The following PKD1 variants were observed in gnomAD, a reference collection of about 807,000 sequenced individuals.
PKD1 encodes polycystin-1.
In PKD1, 81 loss-of-function variants were observed where a neutral mutation model predicts 361.7. The ratio of observed to expected loss-of-function variants is 0.22; its 90% CI spans 0.19 to 0.27. The LOEUF is 0.27. PKD1 is among the 10% of genes least tolerant of loss of function. PKD1 has a pLI of 1.00. For synonymous variants in PKD1, 3,615 were observed against 2,818.3 expected, an observed-to-expected ratio of 1.28 and a Z score of -8.95; for missense variants, 6,399 against 6,118.3, an observed-to-expected ratio of 1.05 and a Z score of -1.53.
At chr16:2,107,217 T>C in intron 16 of PKD1, 1 of 527,432 alleles carries the variant, frequency 1.9e-6, no homozygotes, top group South Asian at 2.0e-5. Context: ...CAATGCTCAC[T>C]GAGGGCCCCT....
intron 14 of PKD1, 27 bp downstream of exon 14, chr16:2,112,313 T>C (rs1451853174): frequency 1.3e-6 from 2 of 1,576,292 alleles, no homozygotes; most frequent in East Asian, 2.2e-5. Flanking sequence ...TGAAAGGCAG[T>C]GGCCCCCTCA....
In PKD1 at chr16:2,113,803, C is replaced by T. The variant is rs1420758366; in HGVS notation, c.2853+367G>A. 11 of 406,342 alleles carry T rather than the reference C, an allele frequency of 2.7e-5. No individual in the cohort carries two copies. The Middle Eastern group carries it at 2.2e-3, about 83-fold the overall frequency. 25.2% of individuals were successfully genotyped at this position (406,342 alleles called of 1,614,324 possible). ...CAGCATGGTGGCACCGCGGGCAGCC[C>T]GCAGTTTCCCATCAGGGGTTCAGAC... On this transcript the variant is annotated intron_variant, in intron 11 of 45. Transcript: ENST00000262304.
At position 2,097,790 on chromosome 16, in the gene PKD1, G is replaced by A. The variant is rs1567165560; in HGVS notation, c.10168-10C>T. On this transcript the variant is annotated splice_polypyrimidine_tract_variant and intron_variant, in intron 31 of 45. Transcript: ENST00000262304. Reference sequence around the variant, plus strand: ...GTCCAACAAAGGCCTGCTGAGAGGTGCACAGTGTCTTGAGTCCAAGCTGCG... The same window carrying A: ...GTCCAACAAAGGCCTGCTGAGAGGTACACAGTGTCTTGAGTCCAAGCTGCG... The A allele has an allele frequency of 2.5e-6, 4 of 1,611,344 alleles. No homozygotes were observed. Among genetic ancestry groups the A allele is most frequent in the Non-Finnish European group, 3.4e-6 (4 of 1,179,892 alleles).
intron 14 of PKD1, 31 bp downstream of exon 14, chr16:2,112,309 G>A (rs1355104503): frequency 3.2e-6 from 5 of 1,570,820 alleles, no homozygotes; most frequent in Middle Eastern, 2.3e-4. Context: ...AGCCTGAAAG[G>A]CAGTGGCCCC....
chr16:2,107,100 G>A, intron 16 of PKD1, 152 bp from the exon 17 acceptor site: 2 of 741,230 alleles, frequency 2.7e-6, no homozygotes, highest in Non-Finnish European at 4.7e-6. Flanking sequence ...TACTCATCCG[G>A]TTTGCCACCT....
Position 2,108,009 on chromosome 16 carries a change from C to T in PKD1, c.6939G>A (p.Leu2313=), listed in dbSNP as rs2092402951. The T allele has an allele frequency of 1.9e-6, 3 of 1,548,910 alleles. No homozygotes were observed. Among genetic ancestry groups the T allele is most frequent in the African/African-American group, 1.4e-5 (1 of 73,120 alleles). Residue 2313 remains leucine (L), a synonymous_variant, in exon 16 of 46, where the codon CTG becomes CTA. Transcript: ENST00000262304. The part of the protein sequence containing the change: ...STQREAGGCA[L]NFGPRGSSTV... ...TGCTGCTCCCGCGGGGCCCAAAGTTCAGCGCACACCCGCCAGCCTCCCTCT... is the reference window on the plus strand; with the variant it reads ...TGCTGCTCCCGCGGGGCCCAAAGTTTAGCGCACACCCGCCAGCCTCCCTCT...
In PKD1 at chr16:2,097,648, A is replaced by G. The variant is rs1596502411; in HGVS notation, c.10220+80T>C. On this transcript the variant is annotated intron_variant, in intron 32 of 45. Transcript: ENST00000262304. ...CACATGGAGCCACAGACACCCAGCA[A>G]GGACACGCAGCCCGCACACCCCCGG... is the stretch of plus-strand genomic sequence containing the variant. 4.3e-6 allele frequency: 7 copies of G among 1,610,520 alleles called. No homozygotes were observed. The East Asian group carries it at 1.3e-4, about 31-fold the overall frequency.
rs1055933465 is a variant in PKD1, at chr16:2,113,622, C to G, written c.2854-330G>C. Among the ~76,000 whole-genome samples, 9 of 152,328 alleles carry G rather than the reference C, an allele frequency of 5.9e-5. No individual in the cohort carries two copies. In the East Asian group the frequency reaches 1.2e-3, roughly 20 times the overall value. Reference sequence around the variant, plus strand: ...CGGCGCTCTTGCCCCAGCTCCTCACCCAGAGAGCTCGGAGCAGTGAGGGGA... The same window carrying G: ...CGGCGCTCTTGCCCCAGCTCCTCACGCAGAGAGCTCGGAGCAGTGAGGGGA... On this transcript the variant is annotated intron_variant, in intron 11 of 45. Coordinates refer to ENST00000262304, the MANE Select transcript of PKD1 (RefSeq NM_001009944.3).
At position 2,109,844 on chromosome 16, in the gene PKD1, C is replaced by G; in HGVS notation, c.5323G>C (p.Gly1775Arg). The G allele has an allele frequency of 6.2e-7, 1 of 1,610,678 alleles. No homozygotes were observed. The highest frequency in any genetic ancestry group is 8.5e-7 in the Non-Finnish European group (1 of 1,179,840). ...PFTTHSFPTP[G>R]LHLVTMTAGN... ...GCCGTCATGGTGACCAAGTGCAGGC[C>G]GGGTGTGGGGAAGCTATGGGTGGTA... is the stretch of plus-strand genomic sequence containing the variant. Residue 1775 changes from glycine to arginine, a missense_variant, in exon 15 of 46, where the codon GGC (glycine) becomes CGC (arginine). Transcript: ENST00000262304.
chr16:2,133,939 C>T (rs1474198076), intron 1 of PKD1, among the ~76,000 whole-genome samples: 2 of 151,236 alleles, frequency 1.3e-5, no homozygotes, highest in East Asian at 3.9e-4. Flanking sequence ...CTCCGCTCAG[C>T]AGCCACCAGC....
chr16:2,133,558 G>C (rs1382348683), intron 1 of PKD1, among the ~76,000 whole-genome samples: 1 of 151,692 alleles, frequency 6.6e-6, no homozygotes, highest in Non-Finnish European at 1.5e-5. Flanking sequence ...GGAGTTTGCA[G>C]GGTAGACAGC....
In PKD1 at chr16:2,090,149, G is replaced by A. The variant is rs753560454; in HGVS notation, c.12490C>T (p.Arg4164Cys). The change falls in exon 46 of 46, where the codon CGC (arginine) becomes TGC (cysteine). Residue 4164 changes from arginine to cysteine, a missense_variant. Arg to Cys is a radical substitution (Grantham distance 180, BLOSUM62 -3). Coordinates refer to ENST00000262304, the MANE Select transcript of PKD1 (RefSeq NM_001009944.3). ...RFEGMEPLPS[R>C]SSRGSKVSPD... The stretch of plus-strand genomic sequence containing the variant: ...GATACCTTGGAGCCCCTGGAGGAGC[G>A]AGAGGGCAGCGGCTCCATCCCTTCA... 3.8e-6 allele frequency: 6 copies of A among 1,595,620 alleles called. No homozygotes were observed. Among genetic ancestry groups the A allele is most frequent in the South Asian group, 3.3e-5 (3 of 89,686 alleles).
In PKD1 at chr16:2,105,315, A is replaced by G. The variant is rs746089639; in HGVS notation, c.8016+7T>C. On this transcript the variant is annotated splice_region_variant and intron_variant, in intron 21 of 45. Transcript: ENST00000262304. ...CGGGGCAGGGTGAGCAGGTGGGGCC[A>G]TCCTACCATGCACTGGGCCAGCGCA... The G allele has an allele frequency of 1.2e-5, 19 of 1,594,154 alleles. No homozygotes were observed. In the African/African-American group the frequency reaches 2.0e-4, roughly 17 times the overall value.
chr16:2,092,879 T>C, intron 38 of PKD1, 75 bp downstream of exon 38: 1 of 1,553,966 alleles, frequency 6.4e-7, no homozygotes, highest in South Asian at 1.1e-5. Context: ...CATGTCCACA[T>C]GTCCCCTAGG....
chr16:2,104,699 C>G (rs2092266417), intron 21 of PKD1, 57 bp from the exon 22 acceptor site: 2 of 989,946 alleles, frequency 2.0e-6, no homozygotes, highest in African/African-American at 1.7e-5. Context: ...TGCACACGCC[C>G]TCCTCTCTAC....
At position 2,118,754 on chromosome 16, in the gene PKD1, C is replaced by T. The variant is rs1007978860; in HGVS notation, c.451G>A (p.Glu151Lys). The T allele has an allele frequency of 4.2e-6, 6 of 1,433,044 alleles. No individual in the cohort carries two copies. The highest frequency in any genetic ancestry group is 2.8e-5 in the African/African-American group (2 of 71,806). The allele number at this position is 1,433,044 out of a possible 1,614,324, so 88.8% of individuals were successfully genotyped here. A position where few individuals can be genotyped will look rare whatever the true frequency, so the allele number is the denominator to read the frequency against. Residue 151 changes from glutamate to lysine, a missense_variant, in exon 4 of 46, where the codon GAG becomes AAG. Physicochemically the swap from Glu to Lys is moderately conservative, Grantham distance 56. Transcript: ENST00000262304. This position sits in a 1 kb window ranked among gnomAD's most constrained non-coding sequence, Gnocchi z 6.0. ...EEQQVRVVQP[E>K]AATCAGPGSL... ...CCAGGCCCAGCACACGTGGCTGCCT[C>T]GGGCTGCACCACCCGCACCTGCTGC...
Position 2,089,459 on chromosome 16 carries a change from G to C in PKD1, c.*268C>G. ...CACAGCCCGCTGTACCTGAGGACTC[G>C]GGGAAATAAATTAGCATCTCAGAGG... On this transcript the variant is annotated 3_prime_UTR_variant, in exon 46 of 46. Transcript: ENST00000262304. 1 of 539,480 alleles carries C rather than the reference G, an allele frequency of 1.9e-6. No individual in the cohort carries two copies. The highest frequency in any genetic ancestry group is 3.1e-5 in the East Asian group (1 of 31,986). The allele number at this position is 539,480 out of a possible 1,614,324, so 33.4% of individuals were successfully genotyped here.
rs1422930270 is a variant in PKD1 at position 2,117,899 on chromosome 16, A to T, written c.1093T>A (p.Ser365Thr). The T allele has an allele frequency of 2.7e-5, 31 of 1,168,812 alleles. No individual in the cohort carries two copies. Among genetic ancestry groups the T allele is most frequent in the Middle Eastern group, 2.7e-4 (1 of 3,672 alleles). The allele number at this position is 1,168,812 out of a possible 1,614,324, so 72.4% of individuals were successfully genotyped here. ...AGGCTCTCGTCACTCTGCACCGAGG[A>T]CGGGCACACGAGCTCCAGGGCGGCA... ...APAALELVCP[S>T]SVQSDESLDL... Residue 365 changes from serine (S) to threonine (T), a missense_variant, in exon 5 of 46, where the codon TCC (serine) becomes ACC (threonine). By Grantham distance (58) the Ser-to-Thr change is moderately conservative (BLOSUM62 1). Transcript: ENST00000262304.
rs1057518897 is a variant in PKD1 at position 2,103,746 on chromosome 16, C to T, written c.8311G>A (p.Glu2771Lys). The change falls in exon 23 of 46, where the codon GAG becomes AAG. Residue 2771 changes from glutamate (E) to lysine (K), a missense_variant. Glu to Lys is a moderately conservative substitution (Grantham distance 56). Transcript: ENST00000262304. ...TCGCCCGCCAGCGTCAGGGGCTCCT[C>T]GTTGAGCACGCGGGAGCGCATGAGG... The part of the protein sequence containing the change: ...RILMRSRVLN[E>K]EPLTLAGEEI... 3.1e-6 allele frequency: 5 copies of T among 1,609,810 alleles called. No individual in the cohort carries two copies. Among genetic ancestry groups the T allele is most frequent in the Non-Finnish European group, 2.5e-6 (3 of 1,179,636 alleles).
Sources: gnomAD v4.1 joint callset for allele counts (sites outside exome capture counted in the v4.1 genomes callset) on GRCh38, gnomAD v4.1.1 for gene constraint, Gnocchi (gnomAD v3.1) non-coding constraint, MANE v1.5 for transcripts, NCBI Gene and HGNC (gene_info 2026-07-23, HGNC 2026-07-21) for gene names.